SH3BGR: variants seen among roughly 807,000 people sequenced by gnomAD.
SH3BGR encodes SH3 domain binding glutamate rich protein, also known as SH3 domain-binding glutamic acid-rich protein.
Under a neutral mutation model 24.5 loss-of-function variants are expected in SH3BGR, and 29 were observed. That is an observed-to-expected ratio of 1.18 (90% CI 0.88 to 1.61). The LOEUF is 1.61. SH3BGR is among the 40% of genes most tolerant of loss of function. The probability of loss-of-function intolerance (pLI) is 0.00; values close to 1 mark genes in which losing one functional copy is unlikely to be tolerated. For missense variants in SH3BGR, 162 were observed against 205.8 expected (o/e 0.79, Z 1.30); for synonymous variants, 55 against 65.7 (o/e 0.84, Z 0.79).
intron 1 of SH3BGR, among the ~76,000 whole-genome samples, chr21:39,459,935 T>G (rs538905490): frequency 6.6e-6 from 1 of 152,316 alleles, no homozygotes; most frequent in South Asian, 2.1e-4. Flanking sequence ...CTGCTGTAAC[T>G]TATTTGCCAG....
At chr21:39,462,627 T>A in intron 2 of SH3BGR, 67 bp downstream of exon 2, 1 of 1,151,742 alleles carries the variant, frequency 8.7e-7, no homozygotes, top group Non-Finnish European at 1.2e-6. Flanking sequence ...TAAAGCAGAT[T>A]AAGTTTGAGT....
intron 1 of SH3BGR, among the ~76,000 whole-genome samples, chr21:39,460,442 C>CT (rs1025577849): frequency 1.1e-4 from 17 of 152,038 alleles, no homozygotes; most frequent in Non-Finnish European, 2.5e-4. Flanking sequence ...AGTAAAGTAT[C>CT]TTTTTTATTT....
chr21:39,450,131 G>C (rs975631526), upstream of SH3BGR, among the ~76,000 whole-genome samples: 2 of 152,184 alleles, frequency 1.3e-5, no homozygotes, highest in Admixed American at 1.3e-4. Flanking sequence ...TTATGTGGCA[G>C]ACTTTAAGGT....
At chr21:39,510,400 C>CACACACACACACACACACACACTGTAGCT (rs2078662470) in intron 5 of SH3BGR, among the ~76,000 whole-genome samples, 2 of 48,706 alleles carry the variant, frequency 4.1e-5, no homozygotes, top group East Asian at 3.0e-4. Context: ...ACTGTAGCTA[C>CACACACACACACACACACACACTGTAGCT]ACACACACAC....
chr21:39,494,105 T>G (rs2078350507), intron 3 of SH3BGR, among the ~76,000 whole-genome samples: 1 of 152,186 alleles, frequency 6.6e-6, no homozygotes, highest in Non-Finnish European at 1.5e-5. Flanking sequence ...ATGTAATATG[T>G]AGAAACATTG....
intron 3 of SH3BGR, among the ~76,000 whole-genome samples, chr21:39,486,798 C>T (rs2078218934): frequency 6.6e-6 from 1 of 152,134 alleles, no homozygotes; most frequent in Non-Finnish European, 1.5e-5. Flanking sequence ...CTCACTGCAA[C>T]TTCCGCCTCC....
intron 3 of SH3BGR, among the ~76,000 whole-genome samples, chr21:39,486,344 A>G (rs2078212574): frequency 6.6e-6 from 1 of 152,230 alleles, no homozygotes; most frequent in South Asian, 2.1e-4. Context: ...CAAATTACTT[A>G]TAAACATAAT....
rs1199709590 is a variant in SH3BGR, at chr21:39,510,441, CACACACACACACACTGTAGCT to C, written c.436-1224_436-1204del. Reference sequence around the variant, plus strand: ...CACACACTGTAGCTACACACACACACACACACACACACACTGTAGCTACACACACACACACACACCCCATCA... The same window carrying C: ...CACACACTGTAGCTACACACACACACACACACACACACACACACCCCATCA... On this transcript the variant is annotated intron_variant, in intron 5 of 6. Coordinates refer to ENST00000333634, the MANE Select transcript of SH3BGR (RefSeq NM_007341.3). Among the ~76,000 whole-genome samples, 227 of 108,236 alleles carry C rather than the reference CACACACACACACACTGTAGCT, an allele frequency of 2.1e-3. 1 individual carries two copies. Among genetic ancestry groups the C allele is most frequent in the African/African-American group, 6.0e-3 (162 of 26,988 alleles). 71.0% of individuals were successfully genotyped at this position (108,236 alleles called of 152,430 possible). A position where few individuals can be genotyped will look rare whatever the true frequency, so the allele number is the denominator to read the frequency against.
At chr21:39,448,049 G>C (rs1430867448), upstream of SH3BGR, among the ~76,000 whole-genome samples, 1 of 152,130 alleles carries the variant, frequency 6.6e-6, no homozygotes, top group Non-Finnish European at 1.5e-5. Flanking sequence ...TCCTTGGCTT[G>C]TGGCAGCACC....
Position 39,452,120 on chromosome 21 carries a change from T to C in SH3BGR, c.24T>C (p.Ala8=). 6.2e-7 allele frequency: 1 copy of C among 1,614,198 alleles called. No individual in the cohort carries two copies. Among genetic ancestry groups the C allele is most frequent in the Non-Finnish European group, 8.5e-7 (1 of 1,180,018 alleles). The part of the protein sequence containing the change: MVIKVFV[A]TSSGSIAIRK... ...AAATGGTTATCAAAGTGTTTGTTGCTACATCTTCTGGGTCCATAGCGGTAG... is the reference window on the plus strand; with the variant it reads ...AAATGGTTATCAAAGTGTTTGTTGCCACATCTTCTGGGTCCATAGCGGTAG... Residue 8 remains alanine, a synonymous_variant, in exon 1 of 7, where the codon GCT becomes GCC. Transcript: ENST00000333634.
intron 1 of SH3BGR, among the ~76,000 whole-genome samples, chr21:39,459,754 G>A (rs1051841352): frequency 2.6e-5 from 4 of 151,314 alleles, no homozygotes; most frequent in Non-Finnish European, 4.4e-5. Flanking sequence ...GCCCCATCTC[G>A]ACAAAAATTT....
intron 5 of SH3BGR, among the ~76,000 whole-genome samples, chr21:39,510,452 A>G (rs1453708790): frequency 1.0e-5 from 1 of 99,272 alleles, no homozygotes; most frequent in East Asian, 3.2e-4. Flanking sequence ...ACACACACAC[A>G]CACTGTAGCT....
chr21:39,512,005 G>A (rs1338468732), intron 6 of SH3BGR, among the ~76,000 whole-genome samples, 196 bp downstream of exon 6: 1 of 152,174 alleles, frequency 6.6e-6, no homozygotes, highest in Non-Finnish European at 1.5e-5. Context: ...CCTTTCGTGG[G>A]TCTGTTTCTT....
chr21:39,471,638 T>A (rs13051411), intron 2 of SH3BGR, among the ~76,000 whole-genome samples: 63,400 of 151,850 alleles, frequency 0.42, 16,098 homozygotes, highest in East Asian at 0.68. Flanking sequence ...TTATTATTTT[T>A]AAAAATAGAG....
chr21:39,461,836 A>T (rs149467007), intron 1 of SH3BGR, among the ~76,000 whole-genome samples: 2 of 152,148 alleles, frequency 1.3e-5, no homozygotes, highest in African/African-American at 4.8e-5. Context: ...TACAATAATT[A>T]ATTAATTATT....
chr21:39,452,109 GTGTT>G lies in SH3BGR; in HGVS notation c.18_21del (p.Phe6LeufsTer8). 1.2e-6 allele frequency: 2 copies of G among 1,614,160 alleles called. No individual in the cohort carries two copies. Among genetic ancestry groups the G allele is most frequent in the Non-Finnish European group, 1.7e-6 (2 of 1,180,008 alleles). On this transcript the variant is annotated frameshift_variant, in exon 1 of 7. Transcript: ENST00000333634. LOFTEE classifies it high-confidence loss of function. ...TCCAACTGTCGAAATGGTTATCAAA[GTGTT>G]TGTTGCTACATCTTCTGGGTCCATA...
Position 39,466,693 on chromosome 21 carries a change from A to G in SH3BGR, c.231+4133A>G, listed in dbSNP as rs912099697. 2.0e-4 allele frequency among the ~76,000 whole-genome samples: 30 copies of G among 152,194 alleles called. 1 individual carries two copies. Among genetic ancestry groups the G allele is most frequent in the Non-Finnish European group, 4.4e-5 (3 of 68,036 alleles). ...GCCCCTTATAAAACCATCAGATCTC[A>G]TGAGAACTCACTCACTATCATGAGA... On this transcript the variant is annotated intron_variant, in intron 2 of 6. Coordinates refer to ENST00000333634, the MANE Select transcript of SH3BGR (RefSeq NM_007341.3).
chr21:39,513,665 C>T (rs2078735971), intron 6 of SH3BGR, among the ~76,000 whole-genome samples: 1 of 151,954 alleles, frequency 6.6e-6, no homozygotes, highest in Admixed American at 6.6e-5. Flanking sequence ...AATTCCATTT[C>T]TAAGGAGTGG....
chr21:39,475,411 A>G (rs1241302502), intron 3 of SH3BGR, among the ~76,000 whole-genome samples, 196 bp downstream of exon 3: 3 of 152,206 alleles, frequency 2.0e-5, no homozygotes, highest in African/African-American at 7.2e-5. Context: ...TATGCTTTTC[A>G]TATTTATGCT....
Sources: gnomAD v4.1 joint callset for allele counts (sites outside exome capture counted in the v4.1 genomes callset) on GRCh38, gnomAD v4.1.1 for gene constraint, MANE v1.5 for transcripts, NCBI Gene and HGNC (gene_info 2026-07-23, HGNC 2026-07-21) for gene names.